The following UMODL1 variants were observed in gnomAD, a reference collection of about 807,000 sequenced individuals.
UMODL1 encodes uromodulin like 1, also known as uromodulin-like 1.
UMODL1 carries 128 observed loss-of-function variants against 136.3 expected under a neutral mutation model. That is an observed-to-expected ratio of 0.94 (90% CI 0.81 to 1.09). The LOEUF is 1.09. Ranked by LOEUF, UMODL1 falls within the 50% of genes least tolerant of loss-of-function variation. The probability of loss-of-function intolerance (pLI) is 0.00; values close to 1 mark genes in which losing one functional copy is unlikely to be tolerated. For synonymous variants in UMODL1, 721 were observed against 720.0 expected (o/e 1.00, Z -0.02); for missense variants, 1,766 against 1,725.6 (o/e 1.02, Z -0.41).
rs544475402 is a variant in UMODL1, at chr21:42,072,358, A to G, written c.76+966A>G. ...TAAAGGAATCCATTCTGTTTCTAAAATCAACTATGTTTTTGTACTACTTTA... is the reference window on the plus strand; with the variant it reads ...TAAAGGAATCCATTCTGTTTCTAAAGTCAACTATGTTTTTGTACTACTTTA... On this transcript the variant is annotated intron_variant, in intron 1 of 22. Transcript: ENST00000408910. 4.4e-4 allele frequency among the ~76,000 whole-genome samples: 67 copies of G among 152,368 alleles called. No individual in the cohort carries two copies. The South Asian group carries it at 6.4e-3, about 15-fold the overall frequency.
In UMODL1 at chr21:42,139,871, C is replaced by T. The variant is rs138535916; in HGVS notation, c.*22-2225C>T. Among the ~76,000 whole-genome samples the T allele has an allele frequency of 1.4e-3, 220 of 152,222 alleles. 1 individual carries two copies. Among genetic ancestry groups the T allele is most frequent in the African/African-American group, 4.8e-3 (199 of 41,520 alleles). On this transcript the variant is annotated intron_variant, in intron 22 of 22. Coordinates refer to ENST00000408910, the MANE Select transcript of UMODL1 (RefSeq NM_001004416.3). ...TTACCAGGAGTCCTGGCAGGAGAGA[C>T]GGGAAAGACAAAGCTAACACAAGCG...
At chr21:42,115,490 C>T (rs2066890948) in intron 13 of UMODL1, among the ~76,000 whole-genome samples, 1 of 152,236 alleles carries the variant, frequency 6.6e-6, no homozygotes, top group South Asian at 2.1e-4. Flanking sequence ...GCCCAGTTTG[C>T]ACCCGTAGCC....
chr21:42,064,475 C>G (rs1243716727), intron 1 of UMODL1, among the ~76,000 whole-genome samples: 1 of 152,240 alleles, frequency 6.6e-6, no homozygotes, highest in Non-Finnish European at 1.5e-5. Flanking sequence ...GCTGACTCAC[C>G]TTGCAGGTGG....
intron 14 of UMODL1, 71 bp downstream of exon 14, chr21:42,116,056 T>G: frequency 2.3e-6 from 3 of 1,322,770 alleles, no homozygotes; most frequent in South Asian, 1.2e-5. Context: ...AATTCTAGGT[T>G]AGGCACGGTG....
intron 2 of UMODL1, among the ~76,000 whole-genome samples, chr21:42,079,300 G>T (rs189624218): frequency 1.1e-4 from 17 of 152,336 alleles, no homozygotes; most frequent in Admixed American, 8.5e-4. Flanking sequence ...CACCTGCCCT[G>T]CATCCTCCTT....
At chr21:42,064,985 T>C (rs1055423630) in intron 1 of UMODL1, among the ~76,000 whole-genome samples, 1 of 152,248 alleles carries the variant, frequency 6.6e-6, no homozygotes, top group African/African-American at 2.4e-5. Context: ...TTGTATTCTG[T>C]TTTTACTTTT....
intron 13 of UMODL1, among the ~76,000 whole-genome samples, chr21:42,114,369 T>C (rs2066877092): frequency 6.6e-6 from 1 of 152,254 alleles, no homozygotes; most frequent in South Asian, 2.1e-4. Flanking sequence ...TTGGATGAAA[T>C]TCCTCTTTTC....
intron 9 of UMODL1, among the ~76,000 whole-genome samples, chr21:42,106,325 C>T (rs749724544): frequency 2.0e-5 from 3 of 152,062 alleles, no homozygotes; most frequent in Non-Finnish European, 2.9e-5. Context: ...TGATATTACT[C>T]GGCAAAAAAA....
chr21:42,111,976 T>C (rs1480283100), intron 12 of UMODL1, among the ~76,000 whole-genome samples: 1 of 152,132 alleles, frequency 6.6e-6, no homozygotes, highest in Non-Finnish European at 1.5e-5. Context: ...GGCGGAGGTC[T>C]GCCTTCAGGA....
At chr21:42,096,407 CT>C (rs2066557971) in intron 6 of UMODL1, among the ~76,000 whole-genome samples, 2 of 152,162 alleles carry the variant, frequency 1.3e-5, no homozygotes, top group African/African-American at 2.4e-5. Context: ...CAAAAACCCC[CT>C]GGCATCTTAA....
At chr21:42,075,198 A>G (rs1601173286) in intron 1 of UMODL1, among the ~76,000 whole-genome samples, 4 of 151,548 alleles carry the variant, frequency 2.6e-5, no homozygotes. Context: ...CACCGCGCCC[A>G]GCCCACACCC....
At chr21:42,140,690 G>A (rs1436854274) in intron 22 of UMODL1, among the ~76,000 whole-genome samples, 2 of 101,280 alleles carry the variant, frequency 2.0e-5, no homozygotes, top group African/African-American at 6.5e-5. Flanking sequence ...TGTCCCAGTT[G>A]AGAGGCAGCA....
rs1433361892 is a variant in UMODL1, at chr21:42,141,962, T to C, written c.*22-134T>C. 3.3e-5 allele frequency: 5 copies of C among 152,232 alleles called. No individual in the cohort carries two copies. The East Asian group carries it at 9.6e-4, about 29-fold the overall frequency. The allele number at this position is 152,232 out of a possible 1,614,324, so 9.4% of individuals were successfully genotyped here. A position where few individuals can be genotyped will look rare whatever the true frequency, so the allele number is the denominator to read the frequency against. On this transcript the variant is annotated intron_variant, in intron 22 of 22. Transcript: ENST00000408910. ...GCCTTTTCATTAGGGGCTTGATCTG[T>C]CCCTCTCCAGTAAACATAGACGCCA...
intron 2 of UMODL1, among the ~76,000 whole-genome samples, chr21:42,082,453 C>T (rs1053468651): frequency 3.9e-5 from 6 of 152,204 alleles, no homozygotes; most frequent in African/African-American, 1.2e-4. Context: ...TAAACATCCC[C>T]GGGCCATAGA....
chr21:42,090,592 G>A (rs140878488), intron 6 of UMODL1, among the ~76,000 whole-genome samples, 154 bp downstream of exon 6: 15 of 152,222 alleles, frequency 9.9e-5, no homozygotes, highest in African/African-American at 2.9e-4. Context: ...CATCACTGTG[G>A]TATATTGACT....
chr21:42,104,044 A>C lies in UMODL1; in HGVS notation c.1476A>C (p.Ala492=), dbSNP rs1471482511. Residue 492 remains alanine, a synonymous_variant, in exon 9 of 23, where the codon GCA becomes GCC. Coordinates refer to ENST00000408910, the MANE Select transcript of UMODL1 (RefSeq NM_001004416.3). ...TLAPILQPLL[A]STVFQIDRQG... is the part of the protein sequence containing the mutation. ...CCCCCATACTCCAGCCCCTGTTGGC[A>C]AGCACAGTGTTCCAGATTGACCGGC... 3.1e-6 allele frequency: 5 copies of C among 1,613,784 alleles called. No individual in the cohort carries two copies. Among genetic ancestry groups the C allele is most frequent in the Non-Finnish European group, 3.4e-6 (4 of 1,180,022 alleles).
In UMODL1 at chr21:42,123,147, G is replaced by A. The variant is rs946469968; in HGVS notation, c.3144G>A (p.Gln1048=). The A allele has an allele frequency of 2.5e-6, 4 of 1,611,640 alleles. No individual in the cohort carries two copies. The highest frequency in any genetic ancestry group is 1.1e-5 in the South Asian group (1 of 90,772). Residue 1048 remains glutamine (Q), a synonymous_variant, in exon 17 of 23, where the codon CAG becomes CAA. Coordinates refer to ENST00000408910, the MANE Select transcript of UMODL1 (RefSeq NM_001004416.3). The surrounding 1 kb of genome is among the most constrained non-coding windows in gnomAD (Gnocchi z 4.4). ...GGAGCGAGTGTGGGACCCTCATGCA[G>A]AGCGTAAGACCAGGAGAGCCAGGCT... The part of the protein sequence containing the change: ...AGWSECGTLM[Q]SNMTNTVVRT...
intron 6 of UMODL1, among the ~76,000 whole-genome samples, chr21:42,092,938 G>A (rs1321121093): frequency 6.6e-6 from 1 of 152,106 alleles, no homozygotes; most frequent in Non-Finnish European, 1.5e-5. Flanking sequence ...CTCTGAAGAC[G>A]CACATGAACC....
chr21:42,103,244 A>T, intron 8 of UMODL1: 1 of 215,542 alleles, frequency 4.6e-6, no homozygotes, highest in South Asian at 8.2e-5. Flanking sequence ...CCAGAGACCC[A>T]CAGAGTGTTG....
Sources: allele counts gnomAD v4.1 joint callset (sites outside exome capture counted in the v4.1 genomes callset), GRCh38; gene constraint gnomAD v4.1.1; non-coding constraint Gnocchi (gnomAD v3.1); transcripts MANE v1.5; gene names NCBI Gene and HGNC (gene_info 2026-07-23, HGNC 2026-07-21).